Variants in FAM76B observed in about 807,000 individuals in gnomAD.
FAM76B encodes protein FAM76B.
In FAM76B, 16 loss-of-function variants were observed where a neutral mutation model predicts 51.8. The ratio of observed to expected loss-of-function variants is 0.31; its 90% CI spans 0.21 to 0.47. The LOEUF (loss-of-function observed/expected upper bound fraction) is 0.47, where lower values mean the gene tolerates loss of function less well. FAM76B is among the 20% of genes least tolerant of loss of function. The pLI, the probability that FAM76B is intolerant of heterozygous loss-of-function variation, is 1.00. For missense variants in FAM76B, 342 were observed against 392.6 expected, an observed-to-expected ratio of 0.87 and a Z score of 1.09; for synonymous variants, 166 against 129.5, an observed-to-expected ratio of 1.28 and a Z score of -1.91.
At chr11:95,776,154 G>A in intron 8 of FAM76B, 131 bp from the exon 9 acceptor site, 1 of 433,514 alleles carries the variant, frequency 2.3e-6, no homozygotes, top group South Asian at 6.5e-5. Context: ...TTCCTGAATT[G>A]TACAAGCTAT....
At chr11:95,785,525 A>G (rs1860521675) in intron 4 of FAM76B, among the ~76,000 whole-genome samples, 1 of 152,210 alleles carries the variant, frequency 6.6e-6, no homozygotes, top group South Asian at 2.1e-4. Context: ...CTGGAGGGAC[A>G]TGTCTTATAA....
At chr11:95,779,240 G>A in intron 7 of FAM76B, 2 of 975,938 alleles carry the variant, frequency 2.0e-6, no homozygotes, top group Non-Finnish European at 1.5e-6. Flanking sequence ...TTTGGCTAAT[G>A]AACTAAAACA....
chr11:95,779,412 A>T, intron 7 of FAM76B, 195 bp downstream of exon 7: 1 of 594,260 alleles, frequency 1.7e-6, no homozygotes. Context: ...AAATAGAACA[A>T]CATAGTTCAG....
At chr11:95,775,240 C>A (rs10831428) in intron 9 of FAM76B, among the ~76,000 whole-genome samples, 51,942 of 151,190 alleles carry the variant, frequency 0.34, 9,696 homozygotes, top group Non-Finnish European at 0.42. Context: ...AGAAGAGAAG[C>A]AGCTTAATAT....
At chr11:95,776,333 C>T (rs924953043) in intron 8 of FAM76B, among the ~76,000 whole-genome samples, 1 of 151,276 alleles carries the variant, frequency 6.6e-6, no homozygotes, top group African/African-American at 2.4e-5. Context: ...AGCTTAACGG[C>T]TAATAACTGG....
rs185714836 is a variant in FAM76B at position 95,783,415 on chromosome 11, G to A, written c.364-151C>T. 153 of 612,152 alleles carry A rather than the reference G, an allele frequency of 2.5e-4. No homozygotes were observed. In the African/African-American group the frequency reaches 2.6e-3, roughly 10 times the overall value. The allele number at this position is 612,152 out of a possible 1,614,324, so 37.9% of individuals were successfully genotyped here. On this transcript the variant is annotated intron_variant, in intron 4 of 9. Transcript: ENST00000358780. ...ATATTCACGGATTTTCTGCAAAACA[G>A]AAATAAAACTGGACTTTTCTGAAAC...
chr11:95,787,319 C>T (rs111360343), intron 3 of FAM76B, among the ~76,000 whole-genome samples: 22,822 of 152,120 alleles, frequency 0.15, 2,208 homozygotes, highest in Admixed American at 0.22. Flanking sequence ...CTGCAAACTC[C>T]GCCTCCTGAG....
chr11:95,781,241 T>C (rs929620435), intron 5 of FAM76B, among the ~76,000 whole-genome samples: 2 of 152,070 alleles, frequency 1.3e-5, no homozygotes, highest in Non-Finnish European at 2.9e-5. Flanking sequence ...ATTCCTAGAT[T>C]CAGACCCACC....
Position 95,784,571 on chromosome 11 carries a change from T to TACAC in FAM76B, c.364-1311_364-1308dup, listed in dbSNP as rs919585950. Among the ~76,000 whole-genome samples, 420 of 148,046 alleles carry TACAC rather than the reference T, an allele frequency of 2.8e-3. 2 individuals are homozygous for TACAC. Among genetic ancestry groups the TACAC allele is most frequent in the South Asian group, 0.019 (88 of 4,662 alleles). On this transcript the variant is annotated intron_variant, in intron 4 of 9. Transcript: ENST00000358780. ...AATCGACAGTGTGTGTGTGTATATA[T>TACAC]ACACACACACACACACACACAATTT...
At chr11:95,784,307 G>A (rs980303746) in intron 4 of FAM76B, among the ~76,000 whole-genome samples, 2 of 151,994 alleles carry the variant, frequency 1.3e-5, no homozygotes, top group Non-Finnish European at 2.9e-5. Context: ...GGTAGAAGAG[G>A]GAAAGAATCA....
At position 95,769,567 on chromosome 11, in the gene FAM76B, T is replaced by TA. The variant is rs1859679607; in HGVS notation, c.*1993_*1994insT. The TA allele has an allele frequency of 6.6e-6, 1 of 152,038 alleles. No individual in the cohort carries two copies. The highest frequency in any genetic ancestry group is 2.4e-5 in the African/African-American group (1 of 41,370). The allele number at this position is 152,038 out of a possible 1,614,324, so 9.4% of individuals were successfully genotyped here. A position where few individuals can be genotyped will look rare whatever the true frequency, so the allele number is the denominator to read the frequency against. On this transcript the variant is annotated 3_prime_UTR_variant, in exon 10 of 10. Coordinates refer to ENST00000358780, the MANE Select transcript of FAM76B (RefSeq NM_144664.5). ...GGGGAAGGACGAGGACAACTTTCTT[T>TA]TGTAGTTTCTCCAACAAGGTGTAAG...
At chr11:95,789,001 A>G (rs570825693) in intron 1 of FAM76B, 54 of 1,355,784 alleles carry the variant, frequency 4.0e-5, no homozygotes, top group Admixed American at 8.8e-5. Flanking sequence ...TCCTAGCAAG[A>G]AAGTGCAAAA....
chr11:95,782,328 C>T (rs11021316), intron 5 of FAM76B, among the ~76,000 whole-genome samples: 20,272 of 151,758 alleles, frequency 0.13, 2,937 homozygotes, highest in African/African-American at 0.36. Flanking sequence ...TTTTTCCCAA[C>T]CAAATACGGA....
At chr11:95,783,513 A>T (rs1591021909) in intron 4 of FAM76B, among the ~76,000 whole-genome samples, 2 of 152,230 alleles carry the variant, frequency 1.3e-5, no homozygotes, top group East Asian at 3.8e-4. Context: ...TTTTAATTTG[A>T]AGAAAAAGAA....
intron 3 of FAM76B, 94 bp from the exon 4 acceptor site, chr11:95,786,368 A>G (rs191168306): frequency 4.6e-4 from 653 of 1,420,704 alleles, no homozygotes; most frequent in Non-Finnish European, 5.7e-4. Flanking sequence ...TGGAATTAAG[A>G]AAACTCAGGT....
At chr11:95,772,260 C>A (rs1384027421) in intron 9 of FAM76B, among the ~76,000 whole-genome samples, 1 of 151,062 alleles carries the variant, frequency 6.6e-6, no homozygotes, top group East Asian at 1.9e-4. Context: ...TCATCTGACA[C>A]TGATTTTAGT....
At chr11:95,773,929 T>A (rs775035855) in intron 9 of FAM76B, among the ~76,000 whole-genome samples, 3 of 151,294 alleles carry the variant, frequency 2.0e-5, no homozygotes, top group Non-Finnish European at 4.4e-5. Flanking sequence ...GCAAGATCCA[T>A]CTTGTGTCAC....
intron 4 of FAM76B, among the ~76,000 whole-genome samples, chr11:95,784,789 G>A (rs1298641597): frequency 2.6e-5 from 4 of 151,816 alleles, no homozygotes; most frequent in East Asian, 1.9e-4. Context: ...GGGTTTCACC[G>A]TGTTAGCCAG....
At chr11:95,777,520 G>A (rs1181144617) in intron 8 of FAM76B, among the ~76,000 whole-genome samples, 1 of 151,316 alleles carries the variant, frequency 6.6e-6, no homozygotes, top group South Asian at 2.1e-4. Context: ...GGCTAATGCA[G>A]ATATATCTGG....
Sources: allele counts gnomAD v4.1 joint callset (sites outside exome capture counted in the v4.1 genomes callset), GRCh38; gene constraint gnomAD v4.1.1; transcripts MANE v1.5; gene names NCBI Gene and HGNC (gene_info 2026-07-23, HGNC 2026-07-21).